The following RHOU variants were observed in gnomAD, a reference collection of about 807,000 sequenced individuals.
RHOU encodes the protein ras homolog family member U.
Under a neutral mutation model 12.6 loss-of-function variants are expected in RHOU, and 8 were observed. The ratio of observed to expected loss-of-function variants is 0.64; its 90% CI spans 0.37 to 1.15. The LOEUF (loss-of-function observed/expected upper bound fraction) is 1.15, where lower values mean the gene tolerates loss of function less well. Among genes scored for constraint, RHOU ranks in the 50% most tolerant of loss-of-function variants. The pLI, the probability that RHOU is intolerant of heterozygous loss-of-function variation, is 0.01. For missense variants in RHOU, 258 were observed against 347.0 expected (o/e 0.74, Z 2.04); for synonymous variants, 161 against 147.4 (o/e 1.09, Z -0.67).
At chr1:228,681,166 G>A in the RHOU span, among the ~76,000 whole-genome samples, 2 of 152,178 alleles carry the variant, frequency 1.3e-5, no homozygotes, top group African/African-American at 2.4e-5. Context: ...GAAACGTTTG[G>A]TAGAGAAAAA....
chr1:228,699,495 ATAGAGTT>A, the RHOU span, among the ~76,000 whole-genome samples: 13 of 148,460 alleles, frequency 8.8e-5, no homozygotes, highest in South Asian at 2.8e-3. Flanking sequence ...ATTTAGTCAT[ATAGAGTT>A]TAGGAGCAGA....
the RHOU span, among the ~76,000 whole-genome samples, chr1:228,719,989 C>G: frequency 2.6e-5 from 4 of 151,950 alleles, no homozygotes; most frequent in Non-Finnish European, 5.9e-5. Flanking sequence ...ACATAAGCAC[C>G]CTTTTATGAA....
chr1:228,705,630 C>T, the RHOU span, among the ~76,000 whole-genome samples: 1 of 152,166 alleles, frequency 6.6e-6, no homozygotes, highest in Admixed American at 6.5e-5. Flanking sequence ...CAGTTTCTGC[C>T]TGACCTAGTC....
chr1:228,647,355 G>T, the RHOU span, among the ~76,000 whole-genome samples: 1 of 152,182 alleles, frequency 6.6e-6, no homozygotes, highest in Non-Finnish European at 1.5e-5. Flanking sequence ...CCCTTTTGGC[G>T]GGAGCCGTGG....
chr1:228,685,922 C>T, the RHOU span, among the ~76,000 whole-genome samples: 2 of 152,112 alleles, frequency 1.3e-5, no homozygotes, highest in Non-Finnish European at 2.9e-5. Flanking sequence ...TAAATGGAAG[C>T]ATTTTTAAAG....
chr1:228,647,309 G>C, the RHOU span, among the ~76,000 whole-genome samples: 1 of 152,218 alleles, frequency 6.6e-6, no homozygotes, highest in Non-Finnish European at 1.5e-5. Context: ...CTCTTGGTGC[G>C]GTGCAGTGGG....
chr1:228,672,410 G>A, the RHOU span, among the ~76,000 whole-genome samples: 1 of 152,130 alleles, frequency 6.6e-6, no homozygotes, highest in Non-Finnish European at 1.5e-5. Flanking sequence ...TGGTCCACCT[G>A]CTTCGGCCTC....
chr1:228,707,259 T>A, the RHOU span, among the ~76,000 whole-genome samples: 3 of 59,270 alleles, frequency 5.1e-5, no homozygotes, highest in African/African-American at 1.5e-4. Flanking sequence ...ATATATAGTG[T>A]GTGTGTGTGT....
the RHOU span, among the ~76,000 whole-genome samples, chr1:228,685,641 C>G: frequency 6.6e-6 from 1 of 152,156 alleles, no homozygotes; most frequent in Non-Finnish European, 1.5e-5. Flanking sequence ...TAGAAGATAA[C>G]TAAAGTATTC....
chr1:228,725,857 A>G, the RHOU span, among the ~76,000 whole-genome samples: 1 of 152,240 alleles, frequency 6.6e-6, no homozygotes, highest in Non-Finnish European at 1.5e-5. Flanking sequence ...AAATCTTCAC[A>G]GAATTACTTT....
the RHOU span, among the ~76,000 whole-genome samples, chr1:228,659,101 G>A: frequency 2.0e-5 from 3 of 152,138 alleles, no homozygotes; most frequent in Admixed American, 6.5e-5. Flanking sequence ...ACAAAAAGCC[G>A]AGCGTCATGG....
intron 2 of RHOU, among the ~76,000 whole-genome samples, chr1:228,741,427 C>T (rs1662718747): frequency 6.6e-6 from 1 of 152,108 alleles, no homozygotes; most frequent in South Asian, 2.1e-4. Flanking sequence ...AGCCCTTGTG[C>T]TTGCCTTTAT....
chr1:228,743,795 A>G lies in RHOU; in HGVS notation c.*55A>G. On this transcript the variant is annotated 3_prime_UTR_variant, in exon 3 of 3. Transcript: ENST00000366691. This position sits in a 1 kb window ranked among gnomAD's most constrained non-coding sequence, Gnocchi z 5.1. The stretch of plus-strand genomic sequence containing the variant: ...TCAGATGAAATCGATATTAGAAGCT[A>G]TATTAGCTGAAACAACTCCTTTTAC... 6.7e-7 allele frequency: 1 copy of G among 1,489,258 alleles called. No individual in the cohort carries two copies. The highest frequency in any genetic ancestry group is 9.2e-7 in the Non-Finnish European group (1 of 1,091,980). 92.3% of individuals were successfully genotyped at this position (1,489,258 alleles called of 1,614,324 possible). A position where few individuals can be genotyped will look rare whatever the true frequency, so the allele number is the denominator to read the frequency against.
At chr1:228,685,430 T>C in the RHOU span, among the ~76,000 whole-genome samples, 1 of 151,992 alleles carries the variant, frequency 6.6e-6, no homozygotes, top group Non-Finnish European at 1.5e-5. Flanking sequence ...AAACTCAGAG[T>C]GAGAGACTAG....
At chr1:228,712,024 G>T in the RHOU span, among the ~76,000 whole-genome samples, 1 of 142,326 alleles carries the variant, frequency 7.0e-6, no homozygotes, top group Non-Finnish European at 1.5e-5. Context: ...CTTCTCAAAA[G>T]AAGACATTTA....
the RHOU span, among the ~76,000 whole-genome samples, chr1:228,723,715 TCTGCCTGAAATAATTTCTTAATAACTC>T: frequency 1.3e-5 from 2 of 152,248 alleles, no homozygotes; most frequent in African/African-American, 4.8e-5. Context: ...ACTTTTCCTT[TCTGCCTGAAATAATTTCTTAATAACTC>T]CTACCACATA....
chr1:228,675,154 A>G, the RHOU span, among the ~76,000 whole-genome samples: 2 of 152,174 alleles, frequency 1.3e-5, no homozygotes, highest in South Asian at 2.1e-4. Context: ...CCTTATTGAT[A>G]TGAAATTGAA....
At chr1:228,700,683 G>A in the RHOU span, among the ~76,000 whole-genome samples, 11 of 151,912 alleles carry the variant, frequency 7.2e-5, no homozygotes, top group African/African-American at 2.7e-4. Flanking sequence ...CAGAATTTTA[G>A]GACTATTATA....
the RHOU span, among the ~76,000 whole-genome samples, chr1:228,671,211 G>A: frequency 6.6e-6 from 1 of 152,028 alleles, no homozygotes; most frequent in Non-Finnish European, 1.5e-5. Flanking sequence ...CGCCATGTTG[G>A]CAAGGCTGGT....
Sources: gnomAD v4.1 joint callset for allele counts (sites outside exome capture counted in the v4.1 genomes callset) on GRCh38, gnomAD v4.1.1 for gene constraint, Gnocchi (gnomAD v3.1) non-coding constraint, MANE v1.5 for transcripts, NCBI Gene and HGNC (gene_info 2026-07-23, HGNC 2026-07-21) for gene names.